WFDC11: variants seen among roughly 807,000 people sequenced by gnomAD.
The protein encoded by WFDC11 is protein WFDC11.
WFDC11 carries 9 observed loss-of-function variants against 9.9 expected under a neutral mutation model. The observed-to-expected ratio is 0.91, with a 90% CI of 0.55 to 1.58. WFDC11 has a LOEUF of 1.58. WFDC11 is among the 40% of genes most tolerant of loss of function. The pLI, the probability that WFDC11 is intolerant of heterozygous loss-of-function variation, is 0.00. For missense variants in WFDC11, 106 were observed against 101.7 expected (o/e 1.04, Z -0.18); for synonymous variants, 32 against 33.3 (o/e 0.96, Z 0.13).
chr20:45,651,445 C>T (rs77273700), intron 2 of WFDC11, among the ~76,000 whole-genome samples: 2,995 of 152,150 alleles, frequency 0.02, 86 homozygotes, highest in African/African-American at 0.064. Context: ...ATATGTCACA[C>T]AATATTTATT....
At chr20:45,650,113 C>A (rs1789661975) in intron 3 of WFDC11, among the ~76,000 whole-genome samples, 1 of 151,994 alleles carries the variant, frequency 6.6e-6, no homozygotes, top group Non-Finnish European at 1.5e-5. Context: ...ACAGGGATAC[C>A]AGTATAGAGC....
chr20:45,664,877 A>C (rs1354727088), intron 2 of WFDC11, among the ~76,000 whole-genome samples: 1 of 152,076 alleles, frequency 6.6e-6, no homozygotes, highest in Non-Finnish European at 1.5e-5. Context: ...ACTTTAGTGA[A>C]TCTAACAATT....
chr20:45,657,123 C>T (rs1442456981), intron 2 of WFDC11, among the ~76,000 whole-genome samples: 2 of 152,116 alleles, frequency 1.3e-5, no homozygotes, highest in East Asian at 1.9e-4. Flanking sequence ...GCTATAAAGA[C>T]ACATGCACAC....
chr20:45,661,374 TCA>T (rs1228073168), intron 2 of WFDC11, among the ~76,000 whole-genome samples: 2 of 151,538 alleles, frequency 1.3e-5, no homozygotes, highest in African/African-American at 4.8e-5. Flanking sequence ...GGTTGCCTGT[TCA>T]CTCTGATGGT....
At chr20:45,666,594 C>A (rs1436738742) in intron 2 of WFDC11, among the ~76,000 whole-genome samples, 1 of 152,172 alleles carries the variant, frequency 6.6e-6, no homozygotes, top group East Asian at 1.9e-4. Flanking sequence ...TCAACCTGAG[C>A]CTTATCTTAC....
chr20:45,654,852 G>C (rs1188655348), intron 2 of WFDC11, among the ~76,000 whole-genome samples: 1 of 152,190 alleles, frequency 6.6e-6, no homozygotes, highest in Non-Finnish European at 1.5e-5. Context: ...TAAATTCCTT[G>C]ACACCTACAC....
intron 2 of WFDC11, among the ~76,000 whole-genome samples, chr20:45,654,484 G>T (rs13041338): frequency 1.3e-5 from 2 of 152,098 alleles, no homozygotes; most frequent in African/African-American, 4.8e-5. Context: ...GAGCAGGAAA[G>T]ATCTAAAACT....
intron 2 of WFDC11, among the ~76,000 whole-genome samples, chr20:45,654,108 C>T (rs1982869191): frequency 6.6e-6 from 1 of 152,052 alleles, no homozygotes; most frequent in Non-Finnish European, 1.5e-5. Context: ...AACTCTCCAC[C>T]CCAAATCAAC....
chr20:45,654,218 T>C (rs569562132), intron 2 of WFDC11, among the ~76,000 whole-genome samples: 1 of 152,148 alleles, frequency 6.6e-6, no homozygotes, highest in African/African-American at 2.4e-5. Context: ...GAACAGAAAT[T>C]ATAACAAACT....
chr20:45,666,416 T>G (rs1983189884), intron 2 of WFDC11, among the ~76,000 whole-genome samples: 1 of 152,170 alleles, frequency 6.6e-6, no homozygotes, highest in Non-Finnish European at 1.5e-5. Context: ...CCGCTCACCC[T>G]CCATGGGTTG....
intron 4 of WFDC11, 52 bp downstream of exon 4, chr20:45,649,205 G>A (rs994321677): frequency 1.3e-5 from 21 of 1,600,602 alleles, no homozygotes; most frequent in Admixed American, 1.0e-4. Context: ...CCTCCGAGAA[G>A]GGAATGAGAA....
intron 2 of WFDC11, among the ~76,000 whole-genome samples, chr20:45,653,451 C>A (rs1982854973): frequency 1.3e-5 from 2 of 152,026 alleles, no homozygotes; most frequent in African/African-American, 2.4e-5. Context: ...TGGAAAGGAA[C>A]AATTGGTACC....
chr20:45,668,355 T>C (rs547757962), intron 1 of WFDC11, among the ~76,000 whole-genome samples: 162 of 152,288 alleles, frequency 1.1e-3, no homozygotes, highest in African/African-American at 3.8e-3. Flanking sequence ...AAGCAAAGCC[T>C]GTAGATTGTC....
intron 2 of WFDC11, among the ~76,000 whole-genome samples, chr20:45,658,907 A>C (rs1431062253): frequency 1.8e-4 from 23 of 131,106 alleles, no homozygotes; most frequent in African/African-American, 3.9e-4. Context: ...TGTGATGCCC[A>C]CCCCCCCGTC....
intron 2 of WFDC11, among the ~76,000 whole-genome samples, chr20:45,665,045 G>A (rs1007966582): frequency 9.9e-5 from 15 of 152,084 alleles, no homozygotes; most frequent in African/African-American, 2.9e-4. Flanking sequence ...ATCACTTTCA[G>A]GTACACCAAT....
At chr20:45,660,526 T>C (rs1356195643) in intron 2 of WFDC11, among the ~76,000 whole-genome samples, 1 of 152,234 alleles carries the variant, frequency 6.6e-6, no homozygotes, top group African/African-American at 2.4e-5. Flanking sequence ...TCACTCGTCA[T>C]TTAGCATTAG....
chr20:45,655,023 T>C (rs1982894180), intron 2 of WFDC11, among the ~76,000 whole-genome samples: 1 of 152,200 alleles, frequency 6.6e-6, no homozygotes, highest in Non-Finnish European at 1.5e-5. Flanking sequence ...GCTGGTACCA[T>C]TCCTTCTGAA....
chr20:45,667,774 T>G (rs954295550), intron 1 of WFDC11, among the ~76,000 whole-genome samples: 2 of 152,208 alleles, frequency 1.3e-5, no homozygotes, highest in African/African-American at 4.8e-5. Context: ...CTTCATAGGA[T>G]TTTTGGGAGG....
chr20:45,666,459 AC>A (rs747175664), intron 2 of WFDC11, among the ~76,000 whole-genome samples: 6 of 152,180 alleles, frequency 3.9e-5, no homozygotes, highest in Non-Finnish European at 7.3e-5. Flanking sequence ...AGTGAGATGA[AC>A]CAGGTACCAC....
Sources: allele counts gnomAD v4.1 joint callset (sites outside exome capture counted in the v4.1 genomes callset), GRCh38; gene constraint gnomAD v4.1.1; transcripts MANE v1.5; gene names NCBI Gene and HGNC (gene_info 2026-07-23, HGNC 2026-07-21).